PAK5: variants seen among roughly 807,000 people sequenced by gnomAD.
The protein encoded by PAK5 is serine/threonine-protein kinase PAK 5.
Under a neutral mutation model 65.9 loss-of-function variants are expected in PAK5, and 16 were observed. That is an observed-to-expected ratio of 0.24 (90% confidence interval 0.16 to 0.37). The LOEUF is 0.37. Ranked by LOEUF, PAK5 falls within the 10% of genes least tolerant of loss-of-function variation. The probability of loss-of-function intolerance (pLI) is 1.00; values close to 1 mark genes in which losing one functional copy is unlikely to be tolerated. For missense variants in PAK5, 785 were observed against 903.9 expected (o/e 0.87, Z 1.69); for synonymous variants, 371 against 354.9 (o/e 1.05, Z -0.51).
At chr20:9,602,218 G>C (rs1193795415) in intron 3 of PAK5, among the ~76,000 whole-genome samples, 1 of 150,778 alleles carries the variant, frequency 6.6e-6, no homozygotes, top group African/African-American at 2.4e-5. Context: ...TTGAACCCAG[G>C]AGGCGGAGGT....
At chr20:9,657,114 T>C (rs764291931) in intron 2 of PAK5, among the ~76,000 whole-genome samples, 4 of 152,144 alleles carry the variant, frequency 2.6e-5, no homozygotes, top group Non-Finnish European at 5.9e-5. Context: ...CCCACAAAGA[T>C]GTGCTATACT....
intron 1 of PAK5, among the ~76,000 whole-genome samples, chr20:9,722,301 G>C (rs2048224569): frequency 6.6e-6 from 1 of 152,132 alleles, no homozygotes; most frequent in South Asian, 2.1e-4. Context: ...GGCTGAAGCA[G>C]AGTCAGTGAG....
intron 1 of PAK5, among the ~76,000 whole-genome samples, chr20:9,713,793 T>C (rs886389193): frequency 6.6e-6 from 1 of 151,948 alleles, no homozygotes; most frequent in South Asian, 2.1e-4. Context: ...ACATGGGAGC[T>C]AAAAAAATGT....
intron 1 of PAK5, among the ~76,000 whole-genome samples, chr20:9,817,389 C>T (rs1051253905): frequency 4.6e-5 from 7 of 152,244 alleles, no homozygotes; most frequent in African/African-American, 9.6e-5. Context: ...CTGCTAAGCC[C>T]GATTTATTCA....
rs569673709 is a variant in PAK5, at chr20:9,777,593, T to C, written c.-162+61169A>G. On this transcript the variant is annotated intron_variant, in intron 1 of 9. Coordinates refer to ENST00000353224, the MANE Select transcript of PAK5 (RefSeq NM_177990.4). ...CATGAGTATGTCTCTATTAGAAGCATAAGAAGAGACTTATACAACTACCTA... is the reference window on the plus strand; with the variant it reads ...CATGAGTATGTCTCTATTAGAAGCACAAGAAGAGACTTATACAACTACCTA... 1.7e-4 allele frequency among the ~76,000 whole-genome samples: 26 copies of C among 152,296 alleles called. No homozygotes were observed. The South Asian group carries it at 4.6e-3, about 27-fold the overall frequency.
At chr20:9,595,333 G>A (rs1163828318) in intron 3 of PAK5, among the ~76,000 whole-genome samples, 1 of 152,094 alleles carries the variant, frequency 6.6e-6, no homozygotes, top group Non-Finnish European at 1.5e-5. Flanking sequence ...TATCCCATGT[G>A]TTTATCCAAG....
intron 3 of PAK5, among the ~76,000 whole-genome samples, chr20:9,582,471 C>T (rs748437743): frequency 9.9e-5 from 15 of 152,126 alleles, no homozygotes; most frequent in Admixed American, 3.9e-4. Flanking sequence ...CACATTTCAT[C>T]GCATAATGTT....
chr20:9,636,493 G>T (rs2123244558), intron 3 of PAK5, among the ~76,000 whole-genome samples: 1 of 152,262 alleles, frequency 6.6e-6, no homozygotes, highest in South Asian at 2.1e-4. Context: ...AGCTTTGAAA[G>T]ATTATAAAAT....
In PAK5 at chr20:9,619,647, A is replaced by G. The variant is rs558951823; in HGVS notation, c.204+24478T>C. Among the ~76,000 whole-genome samples the G allele has an allele frequency of 7.9e-5, 12 of 152,332 alleles. No homozygotes were observed. In the South Asian group the frequency reaches 2.5e-3, roughly 32 times the overall value. On this transcript the variant is annotated intron_variant, in intron 3 of 9. Coordinates refer to ENST00000353224, the MANE Select transcript of PAK5 (RefSeq NM_177990.4). Reference sequence around the variant, plus strand: ...TGCATTGCTGGATAACACATTTCCAAGTCTTGCCCTATTGAGGTAAAGTAC... The same window carrying G: ...TGCATTGCTGGATAACACATTTCCAGGTCTTGCCCTATTGAGGTAAAGTAC...
At chr20:9,725,115 C>T (rs1287251333) in intron 1 of PAK5, among the ~76,000 whole-genome samples, 1 of 151,890 alleles carries the variant, frequency 6.6e-6, no homozygotes, top group Non-Finnish European at 1.5e-5. Context: ...GATGAGAGGG[C>T]ATATTGCATA....
At chr20:9,690,890 A>T (rs970426188) in intron 2 of PAK5, among the ~76,000 whole-genome samples, 10 of 150,594 alleles carry the variant, frequency 6.6e-5, no homozygotes, top group Admixed American at 4.0e-4. Flanking sequence ...AGTAGCTGGG[A>T]TTACAGGTAC....
chr20:9,691,760 A>C (rs1161437143), intron 2 of PAK5, among the ~76,000 whole-genome samples: 1 of 152,212 alleles, frequency 6.6e-6, no homozygotes, highest in Non-Finnish European at 1.5e-5. Flanking sequence ...TCTAAACAAT[A>C]TTGCCCATTT....
At chr20:9,629,493 T>C (rs1238448988) in intron 3 of PAK5, among the ~76,000 whole-genome samples, 1 of 141,710 alleles carries the variant, frequency 7.1e-6, no homozygotes, top group Non-Finnish European at 1.5e-5. Context: ...TTTTTTGAAA[T>C]ATTTAAAAAA....
At chr20:9,584,768 C>G (rs1186170803) in intron 3 of PAK5, among the ~76,000 whole-genome samples, 1 of 152,216 alleles carries the variant, frequency 6.6e-6, no homozygotes, top group African/African-American at 2.4e-5. Context: ...GTTTGTATCA[C>G]AGTGTATCAA....
intron 1 of PAK5, among the ~76,000 whole-genome samples, chr20:9,730,697 A>G (rs2048326866): frequency 6.6e-6 from 1 of 152,204 alleles, no homozygotes; most frequent in Non-Finnish European, 1.5e-5. Flanking sequence ...GAAGGCATAC[A>G]CATACACCAC....
intron 1 of PAK5, among the ~76,000 whole-genome samples, chr20:9,811,960 A>G (rs2049302834): frequency 6.6e-6 from 1 of 152,184 alleles, no homozygotes; most frequent in Non-Finnish European, 1.5e-5. Flanking sequence ...TCTCATAAAG[A>G]AAATGAATTA....
At chr20:9,639,686 C>T (rs2047026506) in intron 3 of PAK5, among the ~76,000 whole-genome samples, 1 of 152,212 alleles carries the variant, frequency 6.6e-6, no homozygotes, top group African/African-American at 2.4e-5. Context: ...GGACTGAATG[C>T]TCATGCATTT....
In PAK5 at chr20:9,714,652, C is replaced by T. The variant is rs114881549; in HGVS notation, c.-161-3217G>A. Among the ~76,000 whole-genome samples, 669 of 152,262 alleles carry T rather than the reference C, an allele frequency of 4.4e-3. 3 individuals carry two copies. The highest frequency in any genetic ancestry group is 0.024 in the Middle Eastern group (7 of 294). Reference sequence around the variant, plus strand: ...TTGTTGCTAAAATTATCTTCTACTACAAGGCTATAGTAACCAAAACAGCAT... The same window carrying T: ...TTGTTGCTAAAATTATCTTCTACTATAAGGCTATAGTAACCAAAACAGCAT... On this transcript the variant is annotated intron_variant, in intron 1 of 9. Transcript: ENST00000353224.
At chr20:9,701,181 T>C (rs553495092) in intron 2 of PAK5, among the ~76,000 whole-genome samples, 2 of 152,136 alleles carry the variant, frequency 1.3e-5, no homozygotes, top group African/African-American at 2.4e-5. Context: ...TCTATATATA[T>C]AGAGATAGCA....
Sources: gnomAD v4.1 joint callset for allele counts (sites outside exome capture counted in the v4.1 genomes callset) on GRCh38, gnomAD v4.1.1 for gene constraint, MANE v1.5 for transcripts, NCBI Gene and HGNC (gene_info 2026-07-23, HGNC 2026-07-21) for gene names.